Variants in LRFN2 observed in about 807,000 individuals in gnomAD.
The protein encoded by LRFN2 is leucine rich repeat and fibronectin type III domain containing 2.
A neutral mutation model predicts 37.3 loss-of-function variants in LRFN2; 18 were observed. The ratio of observed to expected loss-of-function variants is 0.48; its 90% CI spans 0.33 to 0.72. LRFN2 has a LOEUF of 0.72. Ranked by LOEUF, LRFN2 falls within the 30% of genes least tolerant of loss-of-function variation. LRFN2 has a pLI of 0.02. For synonymous variants in LRFN2, 556 were observed against 466.6 expected, an observed-to-expected ratio of 1.19 and a Z score of -2.47; for missense variants, 1,006 against 1,060.7, an observed-to-expected ratio of 0.95 and a Z score of 0.72.
chr6:40,436,937 A>G (rs1286330699), intron 1 of LRFN2, among the ~76,000 whole-genome samples: 1 of 152,170 alleles, frequency 6.6e-6, no homozygotes, highest in African/African-American at 2.4e-5. Context: ...ACGAGAGCAC[A>G]TGAACAGCCA....
chr6:40,511,679 G>C (rs1193373891), intron 1 of LRFN2, among the ~76,000 whole-genome samples: 1 of 152,210 alleles, frequency 6.6e-6, no homozygotes, highest in African/African-American at 2.4e-5. Context: ...CCAAACTAGA[G>C]AGGGAGGAAG....
In LRFN2 at chr6:40,577,095, T is replaced by TCTCTTCTC. The variant is rs1561913872; in HGVS notation, c.-19+9845_-19+9846insGAGAAGAG. The stretch of plus-strand genomic sequence containing the variant: ...CAAGGCCCATTTTCTTTTCTTTTCT[T>TCTCTTCTC]TTCTTTTCCTTTCTTTTCTTTTTAG... On this transcript the variant is annotated intron_variant, in intron 1 of 2. Coordinates refer to ENST00000338305, the MANE Select transcript of LRFN2 (RefSeq NM_020737.3). 7.3e-5 allele frequency among the ~76,000 whole-genome samples: 9 copies of TCTCTTCTC among 122,982 alleles called. No individual in the cohort carries two copies. In the East Asian group the frequency reaches 2.1e-3, roughly 29 times the overall value. 80.7% of individuals were successfully genotyped at this position (122,982 alleles called of 152,430 possible). A position where few individuals can be genotyped will look rare whatever the true frequency, so the allele number is the denominator to read the frequency against.
intron 1 of LRFN2, among the ~76,000 whole-genome samples, chr6:40,546,361 G>A (rs946882609): frequency 6.6e-6 from 1 of 152,152 alleles, no homozygotes; most frequent in African/African-American, 2.4e-5. Flanking sequence ...TCTTCCTTGG[G>A]AAGAAGGTGC....
At chr6:40,562,281 A>G (rs2113789134) in intron 1 of LRFN2, among the ~76,000 whole-genome samples, 1 of 152,182 alleles carries the variant, frequency 6.6e-6, no homozygotes, top group East Asian at 1.9e-4. Context: ...AACCATGACT[A>G]CGCAATGAAC....
At position 40,587,119 on chromosome 6, in the gene LRFN2, C is replaced by T. The variant is rs1767518920; in HGVS notation, c.-197G>A. 6.6e-6 allele frequency: 1 copy of T among 152,222 alleles called. No individual in the cohort carries two copies. The highest frequency in any genetic ancestry group is 1.5e-5 in the Non-Finnish European group (1 of 68,052). The allele number at this position is 152,222 out of a possible 1,614,324, so 9.4% of individuals were successfully genotyped here. ...CCTCGGACGTCCACGCGGGGAAAGC[C>T]CTGAGCCGCTTATTCAGTTATATCC... On this transcript the variant is annotated 5_prime_UTR_variant, in exon 1 of 3. Transcript: ENST00000338305. This position sits in a 1 kb window ranked among gnomAD's most constrained non-coding sequence, Gnocchi z 4.2.
At chr6:40,449,995 C>T (rs1764065422) in intron 1 of LRFN2, among the ~76,000 whole-genome samples, 1 of 152,298 alleles carries the variant, frequency 6.6e-6, no homozygotes, top group East Asian at 1.9e-4. Flanking sequence ...TATAAGGTGG[C>T]ATCCCAGCCC....
In LRFN2 at chr6:40,397,142, T is replaced by C. The variant is rs188447279; in HGVS notation, c.1401-4230A>G. Among the ~76,000 whole-genome samples the C allele has an allele frequency of 1.9e-3, 289 of 152,314 alleles. 1 individual carries two copies. The highest frequency in any genetic ancestry group is 6.7e-3 in the African/African-American group (277 of 41,564). On this transcript the variant is annotated intron_variant, in intron 2 of 2. Transcript: ENST00000338305. ...GTGAAATGGGCACTCTAGTGAAAGATATAGAATTCATCTCTGACCTGTGTC... is the reference window on the plus strand; with the variant it reads ...GTGAAATGGGCACTCTAGTGAAAGACATAGAATTCATCTCTGACCTGTGTC...
intron 1 of LRFN2, among the ~76,000 whole-genome samples, chr6:40,574,393 A>C (rs984040017): frequency 6.6e-6 from 1 of 152,178 alleles, no homozygotes; most frequent in Non-Finnish European, 1.5e-5. Flanking sequence ...TCTGACTCCC[A>C]GGCCTGACTC....
At chr6:40,442,087 A>G (rs1763850947) in intron 1 of LRFN2, among the ~76,000 whole-genome samples, 1 of 152,138 alleles carries the variant, frequency 6.6e-6, no homozygotes, top group African/African-American at 2.4e-5. Context: ...TGAATCACAG[A>G]GCACCCCAGT....
At chr6:40,458,778 C>T (rs1433729) in intron 1 of LRFN2, among the ~76,000 whole-genome samples, 19,122 of 152,220 alleles carry the variant, frequency 0.13, 1,384 homozygotes, top group Admixed American at 0.21. Flanking sequence ...TTCCCAGGAG[C>T]TGGGTAGTTG....
intron 1 of LRFN2, among the ~76,000 whole-genome samples, chr6:40,544,978 C>A (rs1271523450): frequency 1.3e-5 from 2 of 152,156 alleles, no homozygotes; most frequent in Non-Finnish European, 2.9e-5. Context: ...TGGTTAGAAG[C>A]ACAGCATCCT....
At chr6:40,429,949 C>T (rs1021223780) in intron 2 of LRFN2, among the ~76,000 whole-genome samples, 2 of 152,190 alleles carry the variant, frequency 1.3e-5, no homozygotes, top group African/African-American at 4.8e-5. Context: ...TGAACTCAGA[C>T]ACCTTCCAAA....
chr6:40,399,085 A>G (rs1000095468), intron 2 of LRFN2, among the ~76,000 whole-genome samples: 4 of 151,858 alleles, frequency 2.6e-5, no homozygotes, highest in African/African-American at 9.7e-5. Flanking sequence ...GGGCCGGAAG[A>G]GGGGAGAAGC....
At chr6:40,586,869 G>A (rs993652291) in intron 1 of LRFN2, 72 bp downstream of exon 1, 6 of 152,268 alleles carry the variant, frequency 3.9e-5, no homozygotes, top group African/African-American at 1.2e-4. Context: ...GTTCCCTCGG[G>A]TGCGTTCAGC....
intron 1 of LRFN2, among the ~76,000 whole-genome samples, chr6:40,530,518 G>A (rs1766324463): frequency 6.6e-6 from 1 of 152,072 alleles, no homozygotes; most frequent in Non-Finnish European, 1.5e-5. Context: ...GGCCCTGTTG[G>A]CCATGATCTC....
At chr6:40,484,249 G>C (rs1764900519) in intron 1 of LRFN2, among the ~76,000 whole-genome samples, 2 of 152,306 alleles carry the variant, frequency 1.3e-5, no homozygotes, top group South Asian at 2.1e-4. Context: ...GTGTGGTGCC[G>C]ATCCAGGAGA....
At chr6:40,457,580 A>T (rs1764259888) in intron 1 of LRFN2, among the ~76,000 whole-genome samples, 1 of 147,464 alleles carries the variant, frequency 6.8e-6, no homozygotes. Flanking sequence ...TTAAGGCTGC[A>T]GTGAGCCATG....
intron 2 of LRFN2, among the ~76,000 whole-genome samples, chr6:40,424,604 A>T (rs1280977093): frequency 6.6e-6 from 1 of 152,114 alleles, no homozygotes; most frequent in African/African-American, 2.4e-5. Flanking sequence ...AGAAAATATA[A>T]AATCCAAGGC....
chr6:40,534,586 G>C (rs759472047), intron 1 of LRFN2, among the ~76,000 whole-genome samples: 21 of 152,172 alleles, frequency 1.4e-4, no homozygotes, highest in Non-Finnish European at 2.9e-4. Context: ...CTGGAAAATG[G>C]ACCTCATAAT....
Sources: gnomAD v4.1 joint callset for allele counts (sites outside exome capture counted in the v4.1 genomes callset) on GRCh38, gnomAD v4.1.1 for gene constraint, Gnocchi (gnomAD v3.1) non-coding constraint, MANE v1.5 for transcripts, NCBI Gene and HGNC (gene_info 2026-07-23, HGNC 2026-07-21) for gene names.